The following CRACR2A variants were observed in gnomAD, a reference collection of about 807,000 sequenced individuals.
CRACR2A encodes the protein EF-hand calcium-binding domain-containing protein 4B.
A neutral mutation model predicts 90.5 loss-of-function variants in CRACR2A; 79 were observed. The ratio of observed to expected loss-of-function variants is 0.87; its 90% CI spans 0.73 to 1.05. CRACR2A has a LOEUF of 1.05. Among genes scored for constraint, CRACR2A ranks in the 50% least tolerant of loss-of-function variants. The pLI is 0.00. For synonymous variants in CRACR2A, 338 were observed against 356.7 expected (o/e 0.95, Z 0.59); for missense variants, 823 against 897.2 (o/e 0.92, Z 1.06).
At chr12:3,727,029 C>A (rs1419067877) in intron 2 of CRACR2A, 1 of 151,732 alleles carries the variant, frequency 6.6e-6, no homozygotes, top group Admixed American at 6.6e-5. Flanking sequence ...GGTGGCACAC[C>A]CTGTAGTCCC....
chr12:3,752,324 TCGCACACACACGGACACACA>T (rs1310973339), intron 1 of CRACR2A, among the ~76,000 whole-genome samples: 175 of 144,180 alleles, frequency 1.2e-3, no homozygotes, highest in Non-Finnish European at 2.1e-3. Flanking sequence ...AGACACACAC[TCGCACACACACGGACACACA>T]CACACACACA....
At chr12:3,648,935 A>G (rs1944743248) in intron 10 of CRACR2A, among the ~76,000 whole-genome samples, 1 of 152,170 alleles carries the variant, frequency 6.6e-6, no homozygotes, top group Non-Finnish European at 1.5e-5. Context: ...GCCACTTCAC[A>G]TGCCACCTGT....
intron 10 of CRACR2A, 78 bp from the exon 11 acceptor site, chr12:3,648,691 C>G (rs1944738896): frequency 6.5e-7 from 1 of 1,541,030 alleles, no homozygotes; most frequent in African/African-American, 1.4e-5. Flanking sequence ...TGGAGACCAG[C>G]AGGTGATGCC....
chr12:3,645,281 C>T (rs570839857), intron 11 of CRACR2A, among the ~76,000 whole-genome samples: 10 of 152,136 alleles, frequency 6.6e-5, no homozygotes, highest in Non-Finnish European at 1.0e-4. Context: ...CTTGAAGGAG[C>T]GGGAGAAGCA....
At chr12:3,706,172 A>G (rs1264629580) in intron 3 of CRACR2A, among the ~76,000 whole-genome samples, 1 of 152,178 alleles carries the variant, frequency 6.6e-6, no homozygotes, top group Non-Finnish European at 1.5e-5. Flanking sequence ...CCAGTTCTTC[A>G]TGCCTGTGCC....
At chr12:3,714,415 T>C (rs1591706771) in intron 2 of CRACR2A, among the ~76,000 whole-genome samples, 1 of 152,304 alleles carries the variant, frequency 6.6e-6, no homozygotes, top group South Asian at 2.1e-4. Flanking sequence ...TCCACTGGCA[T>C]TGCTACCAGG....
intron 3 of CRACR2A, among the ~76,000 whole-genome samples, chr12:3,708,415 A>ATTTTC (rs1014845728): frequency 1.7e-4 from 26 of 151,812 alleles, no homozygotes; most frequent in African/African-American, 3.4e-4. Context: ...CCCTGGAAGC[A>ATTTTC]TTTTCTTTTC....
chr12:3,636,608 A>C (rs1000285487), intron 14 of CRACR2A, among the ~76,000 whole-genome samples: 3 of 152,246 alleles, frequency 2.0e-5, no homozygotes, highest in African/African-American at 7.2e-5. Flanking sequence ...CTTCAACCCC[A>C]GCTCCTACTG....
intron 7 of CRACR2A, among the ~76,000 whole-genome samples, chr12:3,672,120 C>G (rs1480080079): frequency 6.6e-6 from 1 of 152,210 alleles, no homozygotes; most frequent in Non-Finnish European, 1.5e-5. Flanking sequence ...TCCTCAGCTT[C>G]CTCATAATGC....
intron 4 of CRACR2A, among the ~76,000 whole-genome samples, chr12:3,683,038 C>T (rs1338355735): frequency 6.6e-6 from 1 of 152,126 alleles, no homozygotes; most frequent in Non-Finnish European, 1.5e-5. Flanking sequence ...GCCTTGGCCT[C>T]GCCTCCCAAA....
At position 3,654,254 on chromosome 12, in the gene CRACR2A, C is replaced by T. The variant is rs1301179123; in HGVS notation, c.1004G>A (p.Ser335Asn). The T allele has an allele frequency of 1.2e-6, 2 of 1,613,694 alleles. No homozygotes were observed. The highest frequency in any genetic ancestry group is 2.7e-5 in the African/African-American group (2 of 74,884). Residue 335 changes from serine (S) to asparagine (N), a missense_variant, in exon 10 of 20, where the codon AGC (serine) becomes AAC (asparagine). By Grantham distance (46) the Ser-to-Asn change is conservative. Coordinates refer to ENST00000440314, the MANE Select transcript of CRACR2A (RefSeq NM_001144958.2). ...ELQDAQQQLE[S>N]LQQEACKLHQ... Reference sequence around the variant, plus strand: ...GAGTTTGCAGGCCTCTTGCTGGAGGCTTTCCAACTGCTGCTGAGCATCCTG... The same window carrying T: ...GAGTTTGCAGGCCTCTTGCTGGAGGTTTTCCAACTGCTGCTGAGCATCCTG...
intron 5 of CRACR2A, among the ~76,000 whole-genome samples, chr12:3,680,007 G>A (rs1389139852): frequency 6.6e-6 from 1 of 152,182 alleles, no homozygotes; most frequent in Non-Finnish European, 1.5e-5. Flanking sequence ...GAGGGAGCTT[G>A]GTAATGGCAG....
intron 2 of CRACR2A, among the ~76,000 whole-genome samples, chr12:3,722,710 C>A (rs778743225): frequency 6.6e-6 from 1 of 152,214 alleles, no homozygotes; most frequent in African/African-American, 2.4e-5. Context: ...GTGCAAACAG[C>A]CCCTAACCAT....
In CRACR2A at chr12:3,679,110, A is replaced by G; in HGVS notation, c.341-12T>C. On this transcript the variant is annotated splice_polypyrimidine_tract_variant and intron_variant, in intron 5 of 19. Transcript: ENST00000440314. The stretch of plus-strand genomic sequence containing the variant: ...GAAGAAGAAGTGACCTGGGGGGTGC[A>G]GGGCACAAGGATCCGAATTAGACCA... 1 of 1,607,410 alleles carries G rather than the reference A, an allele frequency of 6.2e-7. No homozygotes were observed. The highest frequency in any genetic ancestry group is 8.5e-7 in the Non-Finnish European group (1 of 1,177,302).
At chr12:3,715,763 T>C (rs960512113) in intron 2 of CRACR2A, among the ~76,000 whole-genome samples, 2 of 152,260 alleles carry the variant, frequency 1.3e-5, no homozygotes, top group African/African-American at 4.8e-5. Flanking sequence ...TCATGTTTGA[T>C]ACACTTTTTT....
In CRACR2A at chr12:3,679,114, C is replaced by T; in HGVS notation, c.341-16G>A. The T allele has an allele frequency of 6.2e-7, 1 of 1,604,916 alleles. No homozygotes were observed. Among genetic ancestry groups the T allele is most frequent in the East Asian group, 2.2e-5 (1 of 44,620 alleles). The stretch of plus-strand genomic sequence containing the variant: ...AAGAAGTGACCTGGGGGGTGCAGGG[C>T]ACAAGGATCCGAATTAGACCATACC... On this transcript the variant is annotated splice_polypyrimidine_tract_variant and intron_variant, in intron 5 of 19. Coordinates refer to ENST00000440314, the MANE Select transcript of CRACR2A (RefSeq NM_001144958.2).
rs942619659 is a variant in CRACR2A, at chr12:3,733,075, T to C, written c.-251A>G. ...CCTGCAGGGTTTTTCTTGTGCTAAG[T>C]GCCCAGTGGAGGCTCTGGCTGGGCT... On this transcript the variant is annotated 5_prime_UTR_variant, in exon 2 of 20. Transcript: ENST00000440314. 2 of 152,418 alleles carry C rather than the reference T, an allele frequency of 1.3e-5. No individual in the cohort carries two copies. The highest frequency in any genetic ancestry group is 2.9e-5 in the Non-Finnish European group (2 of 68,230). 9.4% of individuals were successfully genotyped at this position (152,418 alleles called of 1,614,324 possible).
intron 8 of CRACR2A, among the ~76,000 whole-genome samples, chr12:3,658,387 G>A (rs1944956401): frequency 1.3e-5 from 2 of 152,108 alleles, no homozygotes; most frequent in South Asian, 4.1e-4. Context: ...CGATGGCGGG[G>A]AGGTGGGGTG....
At chr12:3,692,751 CA>C (rs1432790935) in intron 4 of CRACR2A, among the ~76,000 whole-genome samples, 2 of 152,166 alleles carry the variant, frequency 1.3e-5, no homozygotes, top group African/African-American at 4.8e-5. Context: ...GTAATGAAGG[CA>C]GCATGGCTTG....
Sources: allele counts gnomAD v4.1 joint callset (sites outside exome capture counted in the v4.1 genomes callset), GRCh38; gene constraint gnomAD v4.1.1; transcripts MANE v1.5; gene names NCBI Gene and HGNC (gene_info 2026-07-23, HGNC 2026-07-21).